CSTL1: variants seen among roughly 807,000 people sequenced by gnomAD.
CSTL1 encodes cystatin like 1, also known as cystatin-like 1.
CSTL1 carries 14 observed loss-of-function variants against 14.4 expected under a neutral mutation model. That is an observed-to-expected ratio of 0.97 (90% CI 0.64 to 1.52). CSTL1 has a LOEUF of 1.52. Ranked by LOEUF, CSTL1 falls within the 40% of genes most tolerant of loss-of-function variation. CSTL1 has a pLI of 0.00. For missense variants in CSTL1, 170 were observed against 168.7 expected (o/e 1.01, Z -0.04); for synonymous variants, 72 against 67.5 (o/e 1.07, Z -0.33).
downstream of CSTL1, among the ~76,000 whole-genome samples, chr20:23,447,263 A>G (rs557173079): frequency 1.3e-5 from 2 of 152,318 alleles, no homozygotes; most frequent in African/African-American, 4.8e-5. Context: ...CTTGAATTCA[A>G]TACATCCGTG....
At chr20:23,450,325 C>T in the CSTL1 span, 2 of 469,938 alleles carry the variant, frequency 4.3e-6, no homozygotes, top group South Asian at 4.8e-5. Flanking sequence ...ACTGCCCTGG[C>T]CCAGCAGACT....
At chr20:23,449,511 TCCTC>T (rs1340156367), downstream of CSTL1, among the ~76,000 whole-genome samples, 2 of 152,166 alleles carry the variant, frequency 1.3e-5, no homozygotes, top group Admixed American at 1.3e-4. Context: ...AACAAGATCT[TCCTC>T]CCTTTCTTAC....
Position 23,440,163 on chromosome 20 carries a change from A to G in CSTL1, c.-105A>G. On this transcript the variant is annotated 5_prime_UTR_variant, in exon 2 of 4. Coordinates refer to ENST00000347397, the MANE Select transcript of CSTL1 (RefSeq NM_138283.1). ...ATGCAGGCAGGCCATCCCCCAGGAA[A>G]GCCTATGTTGGTGAGGGTTATGATG... The G allele has an allele frequency of 1.8e-6, 2 of 1,127,466 alleles. No homozygotes were observed. Among genetic ancestry groups the G allele is most frequent in the Non-Finnish European group, 2.6e-6 (2 of 763,762 alleles). The allele number at this position is 1,127,466 out of a possible 1,614,324, so 69.8% of individuals were successfully genotyped here.
the CSTL1 span, among the ~76,000 whole-genome samples, chr20:23,454,853 C>T: frequency 6.6e-6 from 1 of 152,334 alleles, no homozygotes; most frequent in South Asian, 2.1e-4. Flanking sequence ...AGTAACAGAG[C>T]TGCATTTTTG....
chr20:23,452,799 G>A, the CSTL1 span: 1 of 1,613,356 alleles, frequency 6.2e-7, no homozygotes, highest in Non-Finnish European at 8.5e-7. Flanking sequence ...GCCTGCCAGG[G>A]CTCAGCCATC....
At chr20:23,455,099 G>C in the CSTL1 span, among the ~76,000 whole-genome samples, 1 of 152,216 alleles carries the variant, frequency 6.6e-6, no homozygotes, top group Non-Finnish European at 1.5e-5. Flanking sequence ...CTGGAGAACA[G>C]AAGCCAGCTC....
intron 2 of CSTL1, among the ~76,000 whole-genome samples, chr20:23,442,849 C>T (rs575674292): frequency 2.6e-5 from 4 of 152,200 alleles, no homozygotes; most frequent in Admixed American, 6.5e-5. Context: ...TCTCCTGCAC[C>T]GGTGAAGATC....
chr20:23,450,582 T>C, the CSTL1 span: 2 of 1,606,954 alleles, frequency 1.2e-6, no homozygotes, highest in African/African-American at 1.3e-5. Flanking sequence ...GAAGAAGCAG[T>C]TGACTTGCTA....
Position 23,440,337 on chromosome 20 carries a change from C to G in CSTL1, c.70C>G (p.His24Asp), listed in dbSNP as rs756043510. The G allele has an allele frequency of 3.7e-6, 6 of 1,614,074 alleles. No homozygotes were observed. Among genetic ancestry groups the G allele is most frequent in the Non-Finnish European group, 8.5e-7 (1 of 1,180,034 alleles). ...IALVLSAKLG[H>D]FQRWEGFQQK... ...CCTGGTCCTGTCAGCCAAGCTGGGT[C>G]ACTTCCAAAGGTGGGAGGGCTTCCA... The change falls in exon 2 of 4, where the codon CAC becomes GAC. Residue 24 changes from histidine to aspartate, a missense_variant. Coordinates refer to ENST00000347397, the MANE Select transcript of CSTL1 (RefSeq NM_138283.1).
chr20:23,444,995 TAC>T, downstream of CSTL1: 1 of 721,184 alleles, frequency 1.4e-6, no homozygotes, highest in Non-Finnish European at 2.5e-6. Flanking sequence ...AGTGTACACG[TAC>T]ACACACTTGC....
the CSTL1 span, chr20:23,452,035 G>C: frequency 2.1e-5 from 14 of 659,460 alleles, no homozygotes; most frequent in Non-Finnish European, 3.8e-5. Flanking sequence ...GGTCCTAGGC[G>C]GATTAGCGGG....
chr20:23,457,254 A>C, the CSTL1 span, among the ~76,000 whole-genome samples: 1 of 152,166 alleles, frequency 6.6e-6, no homozygotes, highest in East Asian at 1.9e-4. Flanking sequence ...AAAAGCAGGA[A>C]GTCAGTCACC....
chr20:23,455,788 A>G, the CSTL1 span, among the ~76,000 whole-genome samples: 2 of 152,202 alleles, frequency 1.3e-5, no homozygotes, highest in African/African-American at 4.8e-5. Flanking sequence ...CACTGGCAGC[A>G]TTACCTCTTG....
chr20:23,440,717 A>T (rs894005744), intron 2 of CSTL1: 1 of 638,202 alleles, frequency 1.6e-6, no homozygotes, highest in African/African-American at 1.8e-5. Flanking sequence ...TCTAACTCCA[A>T]TACACTTAGA....
chr20:23,453,170 G>A, the CSTL1 span, among the ~76,000 whole-genome samples: 6 of 152,014 alleles, frequency 3.9e-5, no homozygotes, highest in Admixed American at 6.5e-5. Flanking sequence ...CTGGAGACAC[G>A]GGGAGATTGG....
the CSTL1 span, among the ~76,000 whole-genome samples, chr20:23,460,044 C>G: frequency 3.3e-5 from 5 of 152,224 alleles, no homozygotes; most frequent in African/African-American, 1.2e-4. Context: ...ACTTCCCCAG[C>G]TTGTACTTCT....
intron 2 of CSTL1, among the ~76,000 whole-genome samples, chr20:23,443,272 T>C (rs1032690610): frequency 3.3e-5 from 5 of 152,258 alleles, no homozygotes; most frequent in Non-Finnish European, 7.3e-5. Context: ...TGCTAAAAGA[T>C]GTAATAACTT....
chr20:23,450,596 C>CA, the CSTL1 span: 2 of 1,598,106 alleles, frequency 1.3e-6, no homozygotes, highest in African/African-American at 1.3e-5. Context: ...CTTGCTAAAA[C>CA]AAAAAACAAA....
chr20:23,444,859 T>G lies in CSTL1; in HGVS notation c.419T>G (p.Val140Gly), dbSNP rs201842574. The G allele has an allele frequency of 6.2e-7, 1 of 1,613,142 alleles. No individual in the cohort carries two copies. The highest frequency in any genetic ancestry group is 2.2e-5 in the East Asian group (1 of 44,886). The part of the protein sequence containing the change: ...WNNSCLEAEH[V>G]GRNLR ...AATTCCTGTCTGGAGGCCGAGCATG[T>G]GGGCAGAAACCTCAGATGAGGGCTC... The change falls in exon 4 of 4, where the codon GTG (valine) becomes GGG (glycine). Residue 140 changes from valine to glycine, a missense_variant. By Grantham distance (109) the Val-to-Gly change is moderately radical. Coordinates refer to ENST00000347397, the MANE Select transcript of CSTL1 (RefSeq NM_138283.1).
Sources: allele counts gnomAD v4.1 joint callset (sites outside exome capture counted in the v4.1 genomes callset), GRCh38; gene constraint gnomAD v4.1.1; transcripts MANE v1.5; gene names NCBI Gene and HGNC (gene_info 2026-07-23, HGNC 2026-07-21).